Variants in CARMIL1 observed in about 807,000 individuals in gnomAD.
CARMIL1 encodes capping protein regulator and myosin 1 linker 1.
CARMIL1 carries 90 observed loss-of-function variants against 177.1 expected under a neutral mutation model. The ratio of observed to expected loss-of-function variants is 0.51; its 90% CI spans 0.43 to 0.61. CARMIL1 has a LOEUF of 0.61. Among genes scored for constraint, CARMIL1 ranks in the 20% least tolerant of loss-of-function variants. The pLI is 0.00. For synonymous variants in CARMIL1, 577 were observed against 606.2 expected (o/e 0.95, Z 0.71); for missense variants, 1,380 against 1,667.0 (o/e 0.83, Z 3.00).
intron 33 of CARMIL1, among the ~76,000 whole-genome samples, chr6:25,604,027 C>G (rs1438110386): frequency 1.3e-5 from 2 of 152,152 alleles, no homozygotes; most frequent in African/African-American, 2.4e-5. Context: ...CCCCTTTCAC[C>G]TGTATTATCA....
In CARMIL1 at chr6:25,418,690, TG is replaced by T. The variant is rs1162517534; in HGVS notation, c.139-1423del. Among the ~76,000 whole-genome samples, 251 of 152,212 alleles carry T rather than the reference TG, an allele frequency of 1.6e-3. 1 individual carries two copies. Among genetic ancestry groups the T allele is most frequent in the Non-Finnish European group, 2.8e-4 (19 of 68,032 alleles). Reference sequence around the variant, plus strand: ...CCTGTAGCATTGAGAAGGCACTGGTTGCCTACACTTTTAGAAGTCATTTATT... The same window carrying T: ...CCTGTAGCATTGAGAAGGCACTGGTTCCTACACTTTTAGAAGTCATTTATT... On this transcript the variant is annotated intron_variant, in intron 2 of 36. Transcript: ENST00000329474.
intron 2 of CARMIL1, among the ~76,000 whole-genome samples, chr6:25,410,085 G>GC (rs1167257806): frequency 8.3e-5 from 6 of 72,492 alleles, no homozygotes; most frequent in African/African-American, 3.1e-4. Context: ...AACCCCCCCC[G>GC]CCCCCCGCCG....
At chr6:25,498,374 T>C (rs1363128487) in intron 16 of CARMIL1, among the ~76,000 whole-genome samples, 1 of 152,200 alleles carries the variant, frequency 6.6e-6, no homozygotes, top group Non-Finnish European at 1.5e-5. Context: ...ATAGAATTTT[T>C]CCCCAGTGCC....
chr6:25,584,848 T>A (rs115097983), intron 31 of CARMIL1, among the ~76,000 whole-genome samples: 2,954 of 152,280 alleles, frequency 0.019, 81 homozygotes, highest in African/African-American at 0.061. Flanking sequence ...CTTTTGCTAT[T>A]TCCTCAAATG....
intron 13 of CARMIL1, among the ~76,000 whole-genome samples, chr6:25,489,195 C>T (rs1802958441): frequency 6.6e-6 from 1 of 151,202 alleles, no homozygotes; most frequent in Non-Finnish European, 1.5e-5. Context: ...ACAACAAAAA[C>T]CCATTAGCTT....
At chr6:25,285,755 T>A (rs1375870861) in intron 2 of CARMIL1, among the ~76,000 whole-genome samples, 1 of 152,156 alleles carries the variant, frequency 6.6e-6, no homozygotes, top group South Asian at 2.1e-4. Flanking sequence ...ATTTTCAGCA[T>A]TGTACTAATA....
rs1201828583 is a variant in CARMIL1, at chr6:25,551,094, A to G, written c.2504+9A>G. On this transcript the variant is annotated intron_variant, in intron 27 of 36. Transcript: ENST00000329474. ...ATCCTTAACAAAATTAGGTAGGTTT[A>G]TAATGTTAATAAACCTAGGAGCTGC... is the stretch of plus-strand genomic sequence containing the variant. 1.2e-6 allele frequency: 2 copies of G among 1,607,568 alleles called. No homozygotes were observed. Among genetic ancestry groups the G allele is most frequent in the Non-Finnish European group, 1.7e-6 (2 of 1,176,292 alleles).
At chr6:25,405,519 C>A (rs1384311501) in intron 2 of CARMIL1, among the ~76,000 whole-genome samples, 1 of 152,166 alleles carries the variant, frequency 6.6e-6, no homozygotes, top group Non-Finnish European at 1.5e-5. Flanking sequence ...TTTTGCTTAC[C>A]CTACATCCAT....
Position 25,600,423 on chromosome 6 carries a change from C to T in CARMIL1, c.3229C>T (p.Arg1077Trp), listed in dbSNP as rs1009863262. The T allele has an allele frequency of 8.1e-6, 13 of 1,613,902 alleles. No homozygotes were observed. The highest frequency in any genetic ancestry group is 2.2e-5 in the South Asian group (2 of 91,076). ...TGGCTTTCTCAATTTAATCAAATCC[C>T]GGTCCAAATCCGAGCGACCACCAAC... ...SSGFLNLIKS[R>W]SKSERPPTIL... The change falls in exon 33 of 37, where the codon CGG (arginine) becomes TGG (tryptophan). Residue 1077 changes from arginine (R) to tryptophan (W), a missense_variant. Coordinates refer to ENST00000329474, the MANE Select transcript of CARMIL1 (RefSeq NM_017640.6).
intron 25 of CARMIL1, among the ~76,000 whole-genome samples, chr6:25,539,268 G>A (rs1808644425): frequency 6.6e-6 from 1 of 152,064 alleles, no homozygotes; most frequent in Non-Finnish European, 1.5e-5. Context: ...TGGTGGGACT[G>A]AGTCCTTCAC....
chr6:25,437,257 T>A (rs1018724198), intron 5 of CARMIL1, among the ~76,000 whole-genome samples: 1 of 152,204 alleles, frequency 6.6e-6, no homozygotes, highest in African/African-American at 2.4e-5. Flanking sequence ...CAAGAGCTTA[T>A]AATACCCTGA....
At chr6:25,578,811 A>T (rs1812845447) in intron 29 of CARMIL1, among the ~76,000 whole-genome samples, 2 of 152,190 alleles carry the variant, frequency 1.3e-5, no homozygotes, top group Admixed American at 1.3e-4. Flanking sequence ...TTACCCTTGT[A>T]AAAAGCACAC....
intron 4 of CARMIL1, among the ~76,000 whole-genome samples, chr6:25,431,908 A>G (rs1489981698): frequency 6.6e-6 from 1 of 152,198 alleles, no homozygotes; most frequent in African/African-American, 2.4e-5. Flanking sequence ...TATAGTGAAC[A>G]TTGGCACTGC....
At chr6:25,290,911 C>G (rs893711311) in intron 2 of CARMIL1, among the ~76,000 whole-genome samples, 1 of 152,132 alleles carries the variant, frequency 6.6e-6, no homozygotes, top group Non-Finnish European at 1.5e-5. Context: ...TGAGCCTTGC[C>G]CAGTTCAGCC....
intron 2 of CARMIL1, among the ~76,000 whole-genome samples, chr6:25,290,741 C>T (rs987246055): frequency 2.0e-5 from 3 of 152,078 alleles, no homozygotes; most frequent in African/African-American, 7.2e-5. Flanking sequence ...TAAAACTGCC[C>T]ATCTGTTGTC....
intron 2 of CARMIL1, among the ~76,000 whole-genome samples, chr6:25,364,872 G>A (rs746401080): frequency 9.9e-4 from 151 of 152,184 alleles, no homozygotes; most frequent in African/African-American, 3.4e-3. Flanking sequence ...GTGAAACCCC[G>A]GAAGAGTACA....
At chr6:25,463,869 C>A (rs1800348384) in intron 8 of CARMIL1, among the ~76,000 whole-genome samples, 1 of 137,090 alleles carries the variant, frequency 7.3e-6, no homozygotes, top group Non-Finnish European at 1.5e-5. Context: ...GTCGCCCAGG[C>A]TGGAGTGCAG....
chr6:25,282,490 C>T (rs1440437908), intron 1 of CARMIL1, among the ~76,000 whole-genome samples: 3 of 152,142 alleles, frequency 2.0e-5, no homozygotes, highest in East Asian at 3.9e-4. Flanking sequence ...GTTCTTTATG[C>T]GTACACTGTC....
At chr6:25,309,594 G>T (rs542400423) in intron 2 of CARMIL1, among the ~76,000 whole-genome samples, 1 of 149,418 alleles carries the variant, frequency 6.7e-6, no homozygotes, top group Non-Finnish European at 1.5e-5. Flanking sequence ...CTATGGACCG[G>T]CCTAGTCTAG....
Sources: gnomAD v4.1 joint callset for allele counts (sites outside exome capture counted in the v4.1 genomes callset) on GRCh38, gnomAD v4.1.1 for gene constraint, MANE v1.5 for transcripts, NCBI Gene and HGNC (gene_info 2026-07-23, HGNC 2026-07-21) for gene names.